Variants in KCNN3 observed in about 807,000 individuals in gnomAD.
KCNN3 encodes small conductance calcium-activated potassium channel protein 3.
In KCNN3, 16 loss-of-function variants were observed where a neutral mutation model predicts 62.9. The observed-to-expected ratio is 0.25, with a 90% confidence interval of 0.17 to 0.39. KCNN3 has a LOEUF of 0.39. KCNN3 is among the 10% of genes least tolerant of loss of function. The pLI, the probability that KCNN3 is intolerant of heterozygous loss-of-function variation, is 1.00. For missense variants in KCNN3, 599 were observed against 949.4 expected (o/e 0.63, Z 4.85); for synonymous variants, 370 against 389.2 (o/e 0.95, Z 0.58).
chr1:154,746,851 T>C (rs1441664357), intron 3 of KCNN3, among the ~76,000 whole-genome samples: 1 of 152,232 alleles, frequency 6.6e-6, no homozygotes, highest in East Asian at 1.9e-4. Flanking sequence ...CAGATACAGA[T>C]GGCATCAAAT....
At chr1:154,855,099 T>C (rs1049322598) in intron 1 of KCNN3, among the ~76,000 whole-genome samples, 1 of 152,036 alleles carries the variant, frequency 6.6e-6, no homozygotes, top group African/African-American at 2.4e-5. Context: ...GTGCCTATAA[T>C]CCCAGGTACT....
chr1:154,837,715 C>T (rs1651650961), intron 1 of KCNN3, among the ~76,000 whole-genome samples: 2 of 152,246 alleles, frequency 1.3e-5, no homozygotes, highest in South Asian at 4.1e-4. Flanking sequence ...ACTGAGCTAT[C>T]AAAGCTTGGG....
chr1:154,725,580 G>A (rs1334056762), intron 5 of KCNN3, among the ~76,000 whole-genome samples: 1 of 139,536 alleles, frequency 7.2e-6, no homozygotes, highest in Non-Finnish European at 1.5e-5. Context: ...ATCTCTCTCT[G>A]TCACCCAGGC....
chr1:154,856,383 G>A (rs1477846440), intron 1 of KCNN3, among the ~76,000 whole-genome samples: 1 of 152,150 alleles, frequency 6.6e-6, no homozygotes, highest in African/African-American at 2.4e-5. Context: ...CTGCCAACAT[G>A]CACCATCGAT....
chr1:154,793,639 A>G (rs1004027675), intron 2 of KCNN3, among the ~76,000 whole-genome samples: 2 of 152,234 alleles, frequency 1.3e-5, no homozygotes, highest in African/African-American at 4.8e-5. Flanking sequence ...CTTATTCACT[A>G]TGCTGGGGAC....
Position 154,727,845 on chromosome 1 carries a change from C to T in KCNN3, c.1591-1819G>A, listed in dbSNP as rs76670059. On this transcript the variant is annotated intron_variant, in intron 4 of 7. Transcript: ENST00000271915. ...AGATGTGTGCTCCCTTCCCCTCGAC[C>T]GGACGGAGTATCATCCCTCTCCTTT... 4.1e-4 allele frequency among the ~76,000 whole-genome samples: 63 copies of T among 152,310 alleles called. No homozygotes were observed. The East Asian group carries it at 0.011, about 27-fold the overall frequency.
intron 2 of KCNN3, among the ~76,000 whole-genome samples, chr1:154,781,320 C>T (rs1255670946): frequency 6.6e-6 from 1 of 152,234 alleles, no homozygotes; most frequent in Non-Finnish European, 1.5e-5. Context: ...GAGCATCCCA[C>T]CTCTGGCCAT....
At chr1:154,805,374 G>A (rs1650128453) in intron 2 of KCNN3, among the ~76,000 whole-genome samples, 1 of 152,172 alleles carries the variant, frequency 6.6e-6, no homozygotes, top group Non-Finnish European at 1.5e-5. Flanking sequence ...CTGAGCAATT[G>A]AGCAATTGAG....
intron 1 of KCNN3, among the ~76,000 whole-genome samples, chr1:154,859,066 G>A (rs888449041): frequency 6.6e-6 from 1 of 152,128 alleles, no homozygotes; most frequent in African/African-American, 2.4e-5. Context: ...ATCCAGCTCT[G>A]AGCCCTCCAA....
intron 3 of KCNN3, among the ~76,000 whole-genome samples, chr1:154,760,629 G>T (rs1419574815): frequency 1.3e-5 from 2 of 152,178 alleles, no homozygotes; most frequent in Admixed American, 6.5e-5. Context: ...CCTCTCCCGG[G>T]CCCCGGCCTC....
intron 5 of KCNN3, among the ~76,000 whole-genome samples, chr1:154,716,882 C>T (rs1043490251): frequency 3.9e-5 from 6 of 152,180 alleles, no homozygotes; most frequent in African/African-American, 1.4e-4. Context: ...CTCTGCAGAG[C>T]ACACATTTAA....
chr1:154,804,462 G>A (rs760705302), intron 2 of KCNN3, among the ~76,000 whole-genome samples: 1 of 152,180 alleles, frequency 6.6e-6, no homozygotes, highest in Non-Finnish European at 1.5e-5. Flanking sequence ...CAGCAACGTG[G>A]TTCCAAGTCA....
At chr1:154,710,750 G>A (rs549551787) in intron 7 of KCNN3, among the ~76,000 whole-genome samples, 1 of 152,202 alleles carries the variant, frequency 6.6e-6, no homozygotes, top group African/African-American at 2.4e-5. Context: ...AAATGCTCAT[G>A]ATCACTGGCC....
chr1:154,765,182 C>T (rs1160681529), intron 3 of KCNN3, among the ~76,000 whole-genome samples: 3 of 152,156 alleles, frequency 2.0e-5, no homozygotes, highest in Non-Finnish European at 4.4e-5. Context: ...AAGAGGAATC[C>T]GTTTCGATCT....
chr1:154,749,350 G>T (rs547713950), intron 3 of KCNN3, among the ~76,000 whole-genome samples: 66 of 152,340 alleles, frequency 4.3e-4, no homozygotes, highest in Non-Finnish European at 8.5e-4. Context: ...ATAATTAAAG[G>T]CAGGCAGCTC....
intron 2 of KCNN3, among the ~76,000 whole-genome samples, chr1:154,806,989 C>T (rs540795233): frequency 2.0e-4 from 30 of 152,124 alleles, no homozygotes; most frequent in Non-Finnish European, 3.7e-4. Flanking sequence ...TCAGAATGTT[C>T]TCTGCTACAA....
At chr1:154,803,390 G>T (rs1650037406) in intron 2 of KCNN3, among the ~76,000 whole-genome samples, 1 of 152,260 alleles carries the variant, frequency 6.6e-6, no homozygotes, top group South Asian at 2.1e-4. Flanking sequence ...GACACTCTGA[G>T]CTATAGGTCA....
chr1:154,854,906 A>G (rs1361261448), intron 1 of KCNN3, among the ~76,000 whole-genome samples: 1 of 152,222 alleles, frequency 6.6e-6, no homozygotes, highest in East Asian at 1.9e-4. Flanking sequence ...ATTACAAAAG[A>G]GTATAAAAAG....
chr1:154,850,515 G>C (rs1248004370), intron 1 of KCNN3, among the ~76,000 whole-genome samples: 1 of 152,184 alleles, frequency 6.6e-6, no homozygotes, highest in Non-Finnish European at 1.5e-5. Flanking sequence ...GTCTTAAAAA[G>C]AACAGGTGCA....
Sources: allele counts gnomAD v4.1 joint callset (sites outside exome capture counted in the v4.1 genomes callset), GRCh38; gene constraint gnomAD v4.1.1; transcripts MANE v1.5; gene names NCBI Gene and HGNC (gene_info 2026-07-23, HGNC 2026-07-21).